MAPK8: variants seen among roughly 807,000 people sequenced by gnomAD.
The protein encoded by MAPK8 is JUN N-terminal kinase.
In MAPK8, 13 loss-of-function variants were observed where a neutral mutation model predicts 52.9. That is an observed-to-expected ratio of 0.25 (90% CI 0.16 to 0.39). The LOEUF is 0.39. Ranked by LOEUF, MAPK8 falls within the 10% of genes least tolerant of loss-of-function variation. The probability of loss-of-function intolerance (pLI) is 1.00; values close to 1 mark genes in which losing one functional copy is unlikely to be tolerated. For missense variants in MAPK8, 300 were observed against 519.2 expected, an observed-to-expected ratio of 0.58 and a Z score of 4.10; for synonymous variants, 191 against 169.8, an observed-to-expected ratio of 1.12 and a Z score of -0.97.
intron 1 of MAPK8, 89 bp from the exon 2 acceptor site, chr10:48,401,523 T>A: frequency 1.3e-6 from 1 of 751,344 alleles, no homozygotes; most frequent in South Asian, 1.8e-5. Flanking sequence ...GCAGTCTGTG[T>A]TACTATCAGT....
At chr10:48,330,533 T>C (rs1844028310) in intron 1 of MAPK8, among the ~76,000 whole-genome samples, 2 of 152,170 alleles carry the variant, frequency 1.3e-5, no homozygotes, top group Non-Finnish European at 2.9e-5. Context: ...TGTAGAACAA[T>C]GTGTGAGAAA....
chr10:48,436,850 G>C lies in MAPK8; in HGVS notation c.*1821G>C, dbSNP rs1767986533. 1 of 152,146 alleles carries C rather than the reference G, an allele frequency of 6.6e-6. No individual in the cohort carries two copies. The highest frequency in any genetic ancestry group is 1.5e-5 in the Non-Finnish European group (1 of 68,024). The allele number at this position is 152,146 out of a possible 1,614,324, so 9.4% of individuals were successfully genotyped here. A position where few individuals can be genotyped will look rare whatever the true frequency, so the allele number is the denominator to read the frequency against. On this transcript the variant is annotated 3_prime_UTR_variant, in exon 12 of 12. Coordinates refer to ENST00000374189, the MANE Select transcript of MAPK8 (RefSeq NM_001323329.2). ...TGCATTAATTTGATTAGGCAAATTA[G>C]AGTTCTAAGACACTTCTTGAATTGT...
At chr10:48,363,113 A>G (rs1204335643) in intron 1 of MAPK8, among the ~76,000 whole-genome samples, 1 of 151,830 alleles carries the variant, frequency 6.6e-6, no homozygotes, top group African/African-American at 2.4e-5. Context: ...ACTGGCCTGA[A>G]CATAATGCAC....
chr10:48,347,021 A>T (rs1267777626), intron 1 of MAPK8, among the ~76,000 whole-genome samples: 1 of 152,116 alleles, frequency 6.6e-6, no homozygotes, highest in Admixed American at 6.5e-5. Flanking sequence ...GTCTCCGCGC[A>T]TTGGTGGTAG....
chr10:48,334,071 C>T (rs1844424623), intron 1 of MAPK8, among the ~76,000 whole-genome samples: 1 of 152,194 alleles, frequency 6.6e-6, no homozygotes, highest in African/African-American at 2.4e-5. Flanking sequence ...TTGCTGGGGC[C>T]TGCACCTTTC....
chr10:48,329,612 G>A (rs781692868), intron 1 of MAPK8, among the ~76,000 whole-genome samples: 5 of 152,200 alleles, frequency 3.3e-5, no homozygotes, highest in Non-Finnish European at 7.4e-5. Context: ...ACTTCATAAG[G>A]CACAGAGAGC....
At chr10:48,348,906 T>C (rs1311978059) in intron 1 of MAPK8, among the ~76,000 whole-genome samples, 1 of 145,898 alleles carries the variant, frequency 6.9e-6, no homozygotes, top group Non-Finnish European at 1.5e-5. Context: ...ACTCATAGGC[T>C]CAAAATAAAG....
At chr10:48,418,753 GA>G (rs2043194125) in intron 5 of MAPK8, among the ~76,000 whole-genome samples, 1 of 152,114 alleles carries the variant, frequency 6.6e-6, no homozygotes, top group Non-Finnish European at 1.5e-5. Context: ...ATATATGGAT[GA>G]ATTTCAATTA....
At chr10:48,333,506 C>G (rs750334376) in intron 1 of MAPK8, among the ~76,000 whole-genome samples, 33 of 152,228 alleles carry the variant, frequency 2.2e-4, no homozygotes, top group Non-Finnish European at 2.8e-4. Flanking sequence ...GGGCCATGCC[C>G]TAGTCTACTG....
chr10:48,323,357 T>G (rs1489354636), intron 1 of MAPK8, among the ~76,000 whole-genome samples: 4 of 152,194 alleles, frequency 2.6e-5, no homozygotes, highest in Non-Finnish European at 5.9e-5. Context: ...TACTTAGTCG[T>G]GTTGAATAAA....
rs756073891 is a variant in MAPK8, at chr10:48,425,944, A to C, written c.745A>C (p.Met249Leu). 1 of 1,612,726 alleles carries C rather than the reference A, an allele frequency of 6.2e-7. No homozygotes were observed. Among genetic ancestry groups the C allele is most frequent in the Non-Finnish European group, 8.5e-7 (1 of 1,179,134 alleles). ...GCTTGGAACACCATGTCCTGAATTC[A>C]TGAAGAAACTGCAACCAACAGTAAG... is the stretch of plus-strand genomic sequence containing the variant. Reference protein sequence around the residue: ...EQLGTPCPEFMKKLQPTVRTY... With the variant: ...EQLGTPCPEFLKKLQPTVRTY... Residue 249 changes from methionine (M) to leucine (L), a missense_variant, in exon 8 of 12, where the codon ATG becomes CTG. Physicochemically the swap from Met to Leu is conservative, Grantham distance 15. This residue lies in a region of MAPK8 where 147 missense variants were observed against 328.1 expected (regional missense o/e 0.45). Transcript: ENST00000374189.
intron 9 of MAPK8, 61 bp downstream of exon 9, chr10:48,426,565 A>G (rs927584246): frequency 6.8e-7 from 1 of 1,472,330 alleles, no homozygotes; most frequent in East Asian, 2.4e-5. Flanking sequence ...AATGACAGTT[A>G]GGTTTGGAGG....
chr10:48,409,318 C>G (rs958712258), intron 3 of MAPK8, among the ~76,000 whole-genome samples: 1 of 152,094 alleles, frequency 6.6e-6, no homozygotes, highest in Non-Finnish European at 1.5e-5. Flanking sequence ...AAAGAGAGGG[C>G]ACACTGGAAA....
intron 1 of MAPK8, among the ~76,000 whole-genome samples, chr10:48,310,130 G>T (rs1252317340): frequency 6.6e-6 from 1 of 152,206 alleles, no homozygotes; most frequent in Non-Finnish European, 1.5e-5. Context: ...CCAGGAATCA[G>T]ACCTAGGTTC....
intron 1 of MAPK8, among the ~76,000 whole-genome samples, chr10:48,369,635 A>G (rs922829627): frequency 6.6e-6 from 1 of 152,112 alleles, no homozygotes; most frequent in Non-Finnish European, 1.5e-5. Flanking sequence ...GGAGAGTGTA[A>G]CAAGACAAGA....
At chr10:48,386,996 T>C (rs560488175) in intron 1 of MAPK8, among the ~76,000 whole-genome samples, 1 of 152,226 alleles carries the variant, frequency 6.6e-6, no homozygotes, top group Non-Finnish European at 1.5e-5. Context: ...TAGAAATTGT[T>C]AAGGGACAGT....
At chr10:48,415,716 A>AG (rs2043031305) in intron 5 of MAPK8, among the ~76,000 whole-genome samples, 3 of 152,136 alleles carry the variant, frequency 2.0e-5, no homozygotes, top group African/African-American at 7.2e-5. Flanking sequence ...GAGAATAAAG[A>AG]GTCTCGCGTT....
rs554641980 is a variant in MAPK8, at chr10:48,434,475, T to A, written c.1139-409T>A. Reference sequence around the variant, plus strand: ...TTTTTGTAGGGAAGTAGCTTTTAACTTTTGTAGTTACACAGTCCTTTAAGA... The same window carrying A: ...TTTTTGTAGGGAAGTAGCTTTTAACATTTGTAGTTACACAGTCCTTTAAGA... On this transcript the variant is annotated intron_variant, in intron 11 of 11. Transcript: ENST00000374189. 3.9e-5 allele frequency among the ~76,000 whole-genome samples: 6 copies of A among 152,338 alleles called. No individual in the cohort carries two copies. In the East Asian group the frequency reaches 1.2e-3, roughly 29 times the overall value.
At chr10:48,335,554 G>T (rs1477673551) in intron 1 of MAPK8, among the ~76,000 whole-genome samples, 1 of 151,974 alleles carries the variant, frequency 6.6e-6, no homozygotes, top group African/African-American at 2.4e-5. Context: ...TTTTTCATTG[G>T]CAATAAATAC....
Sources: allele counts gnomAD v4.1 joint callset (sites outside exome capture counted in the v4.1 genomes callset), GRCh38; gene constraint gnomAD v4.1.1; regional missense constraint gnomAD v4.1.1; transcripts MANE v1.5; gene names NCBI Gene and HGNC (gene_info 2026-07-23, HGNC 2026-07-21).